RABEP2: variants seen among roughly 807,000 people sequenced by gnomAD.
RABEP2 encodes the protein rabaptin, RAB GTPase binding effector protein 2.
A neutral mutation model predicts 74.1 loss-of-function variants in RABEP2; 57 were observed. The ratio of observed to expected loss-of-function variants is 0.77; its 90% CI spans 0.62 to 0.96. The LOEUF is 0.96. Among genes scored for constraint, RABEP2 ranks in the 40% least tolerant of loss-of-function variants. The pLI is 0.00. For synonymous variants in RABEP2, 351 were observed against 344.0 expected (o/e 1.02, Z -0.23); for missense variants, 692 against 756.3 (o/e 0.91, Z 1.00).
rs564541479 is a variant in RABEP2, at chr16:28,924,769, C to T, written c.62-154G>A. On this transcript the variant is annotated intron_variant, in intron 1 of 12. Coordinates refer to ENST00000358201, the MANE Select transcript of RABEP2 (RefSeq NM_024816.3). ...CCTGGCCCCGCCCCTGCCCCGCCCC[C>T]TTCCCACTCGCTCTGCCGGGTGCTG... 6.6e-3 allele frequency: 4,990 copies of T among 754,790 alleles called. 24 individuals are homozygous for T. The highest frequency in any genetic ancestry group is 9.1e-3 in the Non-Finnish European group (3,953 of 436,380). 46.8% of individuals were successfully genotyped at this position (754,790 alleles called of 1,614,324 possible).
chr16:28,925,206 G>A lies in RABEP2; in HGVS notation c.-43C>T. 3 of 1,511,176 alleles carry A rather than the reference G, an allele frequency of 2.0e-6. No individual in the cohort carries two copies. The highest frequency in any genetic ancestry group is 1.8e-6 in the Non-Finnish European group (2 of 1,135,748). 93.6% of individuals were successfully genotyped at this position (1,511,176 alleles called of 1,614,324 possible). ...CGGATTCCCGCACTCCCTGGTGACGGAGCGCACCGCTTCCGGGTCCTCTCG... is the reference window on the plus strand; with the variant it reads ...CGGATTCCCGCACTCCCTGGTGACGAAGCGCACCGCTTCCGGGTCCTCTCG... On this transcript the variant is annotated 5_prime_UTR_variant, in exon 1 of 13. Transcript: ENST00000358201.
chr16:28,919,032 G>C (rs1964432712), intron 3 of RABEP2, among the ~76,000 whole-genome samples: 1 of 152,158 alleles, frequency 6.6e-6, no homozygotes, highest in Admixed American at 6.6e-5. Context: ...GTAAACAGGG[G>C]AAGTACTGAA....
At chr16:28,923,818 G>A (rs1567500481) in intron 2 of RABEP2, among the ~76,000 whole-genome samples, 1 of 152,224 alleles carries the variant, frequency 6.6e-6, no homozygotes, top group African/African-American at 2.4e-5. Flanking sequence ...CGCAGCAGGG[G>A]CATAGCAGCG....
intron 2 of RABEP2, among the ~76,000 whole-genome samples, chr16:28,922,892 A>C (rs1245348303): frequency 1.3e-5 from 2 of 148,524 alleles, no homozygotes; most frequent in Admixed American, 1.3e-4. Flanking sequence ...ACACTGTCTC[A>C]GAAAAAAAAA....
chr16:28,914,211 C>T, intron 5 of RABEP2, 25 bp downstream of exon 5: 3 of 1,549,540 alleles, frequency 1.9e-6, no homozygotes, highest in South Asian at 1.2e-5. Context: ...ATGGTACACC[C>T]CGCCACCCTG....
intron 5 of RABEP2, among the ~76,000 whole-genome samples, chr16:28,911,629 G>A (rs547868213): frequency 2.2e-4 from 32 of 147,956 alleles, no homozygotes; most frequent in African/African-American, 6.8e-4. Context: ...AGAGGTTGCC[G>A]TGAGTGAGAT....
intron 3 of RABEP2, among the ~76,000 whole-genome samples, chr16:28,917,100 A>G (rs1009149810): frequency 6.6e-6 from 1 of 151,936 alleles, no homozygotes; most frequent in Non-Finnish European, 1.5e-5. Context: ...TCCTATCACC[A>G]CCATAGAGCT....
intron 7 of RABEP2, among the ~76,000 whole-genome samples, chr16:28,909,893 G>A (rs905369708): frequency 7.2e-5 from 11 of 151,976 alleles, no homozygotes; most frequent in African/African-American, 2.7e-4. Context: ...ACCGGGCGTG[G>A]TGGCAGGCAC....
intron 2 of RABEP2, among the ~76,000 whole-genome samples, chr16:28,922,564 T>G (rs951189194): frequency 1.6e-4 from 24 of 147,564 alleles, no homozygotes; most frequent in Non-Finnish European, 3.3e-4. Flanking sequence ...TACTAAAAAT[T>G]AAAAAAAAAA....
Position 28,925,089 on chromosome 16 carries a change from G to T in RABEP2, c.61+14C>A. The T allele has an allele frequency of 1.9e-6, 3 of 1,546,364 alleles. No individual in the cohort carries two copies. Among genetic ancestry groups the T allele is most frequent in the Non-Finnish European group, 2.6e-6 (3 of 1,154,180 alleles). On this transcript the variant is annotated intron_variant, in intron 1 of 12. Coordinates refer to ENST00000358201, the MANE Select transcript of RABEP2 (RefSeq NM_024816.3). The stretch of plus-strand genomic sequence containing the variant: ...ATCACCGTTCCCCGCTTGCACGGAC[G>T]CCCCCTCACGTACCAGCCCCCGGCC...
chr16:28,916,744 G>A (rs1964400124), intron 3 of RABEP2, among the ~76,000 whole-genome samples: 3 of 151,204 alleles, frequency 2.0e-5, no homozygotes, highest in Admixed American at 6.6e-5. Flanking sequence ...TCAGCACTTT[G>A]GGAGGCCAAG....
At chr16:28,924,257 G>T (rs1026975575) in intron 2 of RABEP2, 146 bp downstream of exon 2, 4 of 722,782 alleles carry the variant, frequency 5.5e-6, no homozygotes, top group South Asian at 3.7e-5. Flanking sequence ...TTAAAAGGGC[G>T]GCCCTTCCTC....
chr16:28,923,210 C>T (rs1210797740), intron 2 of RABEP2, among the ~76,000 whole-genome samples: 1 of 152,060 alleles, frequency 6.6e-6, no homozygotes, highest in Non-Finnish European at 1.5e-5. Flanking sequence ...GAGTTCAAGA[C>T]CTGTCTGGGT....
intron 5 of RABEP2, among the ~76,000 whole-genome samples, chr16:28,914,005 T>A (rs919247637): frequency 6.6e-6 from 1 of 150,380 alleles, no homozygotes; most frequent in Admixed American, 6.7e-5. Flanking sequence ...GGCCTTGAAC[T>A]CCTAGCCACA....
intron 1 of RABEP2, 85 bp from the exon 2 acceptor site, chr16:28,924,700 T>A: frequency 7.9e-7 from 1 of 1,271,772 alleles, no homozygotes; most frequent in Non-Finnish European, 1.1e-6. Flanking sequence ...CCTAGTACTG[T>A]TGCCTTCATC....
chr16:28,918,612 C>A (rs567963736), intron 3 of RABEP2, among the ~76,000 whole-genome samples: 26 of 151,784 alleles, frequency 1.7e-4, no homozygotes, highest in African/African-American at 6.3e-4. Context: ...AAGACCCTGT[C>A]TCAATAATAA....
chr16:28,909,868 CA>C (rs928958195), intron 7 of RABEP2, among the ~76,000 whole-genome samples: 5 of 149,622 alleles, frequency 3.3e-5, no homozygotes, highest in Admixed American at 6.7e-5. Context: ...ACTAAAAATA[CA>C]AAAAAAAATA....
chr16:28,906,207 C>A lies in RABEP2; in HGVS notation c.1246-11G>T. On this transcript the variant is annotated splice_polypyrimidine_tract_variant and intron_variant, in intron 8 of 12. Transcript: ENST00000358201. Reference sequence around the variant, plus strand: ...CAGCTGCTGCAGCTCCTGGAAGGGACGGAGGAGTCACCTGCTGGGCTGGGG... The same window carrying A: ...CAGCTGCTGCAGCTCCTGGAAGGGAAGGAGGAGTCACCTGCTGGGCTGGGG... 2 of 1,568,694 alleles carry A rather than the reference C, an allele frequency of 1.3e-6. No individual in the cohort carries two copies. Among genetic ancestry groups the A allele is most frequent in the Non-Finnish European group, 1.7e-6 (2 of 1,164,280 alleles).
At chr16:28,911,276 C>T in intron 5 of RABEP2, 97 bp from the exon 6 acceptor site, 1 of 1,098,660 alleles carries the variant, frequency 9.1e-7, no homozygotes, top group South Asian at 1.4e-5. Flanking sequence ...TGCCCTCATC[C>T]ACACAGTCCG....
Sources: gnomAD v4.1 joint callset for allele counts (sites outside exome capture counted in the v4.1 genomes callset) on GRCh38, gnomAD v4.1.1 for gene constraint, MANE v1.5 for transcripts, NCBI Gene and HGNC (gene_info 2026-07-23, HGNC 2026-07-21) for gene names.